COL13A1: variants seen among roughly 807,000 people sequenced by gnomAD.
COL13A1 encodes collagen alpha-1(XIII) chain.
A neutral mutation model predicts 130.9 loss-of-function variants in COL13A1; 89 were observed. The ratio of observed to expected loss-of-function variants is 0.68; its 90% CI spans 0.57 to 0.81. COL13A1 has a LOEUF of 0.81. Ranked by LOEUF, COL13A1 falls within the 30% of genes least tolerant of loss-of-function variation. The pLI is 0.00. For missense variants in COL13A1, 879 were observed against 934.6 expected, an observed-to-expected ratio of 0.94 and a Z score of 0.78; for synonymous variants, 402 against 341.6, an observed-to-expected ratio of 1.18 and a Z score of -1.95.
chr10:69,900,514 G>A (rs1342028175), intron 14 of COL13A1, among the ~76,000 whole-genome samples: 1 of 152,194 alleles, frequency 6.6e-6, no homozygotes, highest in Non-Finnish European at 1.5e-5. Context: ...GCACCTCTGA[G>A]CTACCTGCTG....
intron 3 of COL13A1, among the ~76,000 whole-genome samples, chr10:69,871,310 G>C (rs900626340): frequency 6.6e-6 from 1 of 152,166 alleles, no homozygotes; most frequent in African/African-American, 2.4e-5. Flanking sequence ...AATGTGTCTT[G>C]AGGATTACTG....
chr10:69,830,652 C>CT (rs1848606470), intron 2 of COL13A1, among the ~76,000 whole-genome samples: 1 of 152,070 alleles, frequency 6.6e-6, no homozygotes, highest in African/African-American at 2.4e-5. Flanking sequence ...GACTGGGGTG[C>CT]TTAGGGAGGT....
At chr10:69,933,798 A>G (rs1413704615) in intron 31 of COL13A1, among the ~76,000 whole-genome samples, 1 of 152,230 alleles carries the variant, frequency 6.6e-6, no homozygotes, top group Non-Finnish European at 1.5e-5. Context: ...TAAATAACTT[A>G]TAGTAATAAT....
At chr10:69,907,531 C>T (rs536084412) in intron 17 of COL13A1, among the ~76,000 whole-genome samples, 43 of 152,128 alleles carry the variant, frequency 2.8e-4, no homozygotes, top group Non-Finnish European at 4.9e-4. Context: ...AACCCACTGT[C>T]GCAATCACAC....
At chr10:69,909,707 C>T (rs1354709579) in intron 17 of COL13A1, among the ~76,000 whole-genome samples, 2 of 152,238 alleles carry the variant, frequency 1.3e-5, no homozygotes, top group African/African-American at 2.4e-5. Flanking sequence ...CCCAGCCTCA[C>T]TGGGACAGCA....
chr10:69,920,176 T>TG (rs894757749), intron 21 of COL13A1, among the ~76,000 whole-genome samples: 10 of 152,178 alleles, frequency 6.6e-5, no homozygotes, highest in Non-Finnish European at 1.3e-4. Context: ...GCTGCTACCC[T>TG]GGGGCAGGTG....
intron 10 of COL13A1, among the ~76,000 whole-genome samples, chr10:69,892,665 T>C (rs1017919279): frequency 6.6e-6 from 1 of 152,208 alleles, no homozygotes; most frequent in South Asian, 2.1e-4. Context: ...TGGCAAGTGC[T>C]AAGCACATCA....
chr10:69,956,723 A>G (rs2136449662), intron 39 of COL13A1: 1 of 382,280 alleles, frequency 2.6e-6, no homozygotes, highest in East Asian at 4.3e-5. Context: ...TCTTCGTGGC[A>G]CGGAAGGACA....
At chr10:69,858,115 C>CAAAAAAG (rs1856966509) in intron 2 of COL13A1, among the ~76,000 whole-genome samples, 1 of 80,384 alleles carries the variant, frequency 1.2e-5, no homozygotes, top group Non-Finnish European at 2.2e-5. Flanking sequence ...GACTCCGTCT[C>CAAAAAAG]AAAAAAAAAA....
chr10:69,929,076 C>A, intron 28 of COL13A1, 77 bp downstream of exon 28: 1 of 1,170,454 alleles, frequency 8.5e-7, no homozygotes, highest in South Asian at 1.4e-5. Flanking sequence ...CCCTGTGACC[C>A]TCTCATCTTC....
At chr10:69,862,290 T>C (rs981017325) in intron 2 of COL13A1, among the ~76,000 whole-genome samples, 2 of 152,202 alleles carry the variant, frequency 1.3e-5, no homozygotes, top group Admixed American at 6.5e-5. Flanking sequence ...TTTTCTCATC[T>C]ATAAAATGGG....
At chr10:69,867,427 G>A (rs1018789296) in intron 2 of COL13A1, among the ~76,000 whole-genome samples, 10 of 152,146 alleles carry the variant, frequency 6.6e-5, no homozygotes, top group South Asian at 2.1e-4. Flanking sequence ...TGTTATTTCC[G>A]CCTTTCTCAG....
intron 1 of COL13A1, among the ~76,000 whole-genome samples, chr10:69,809,852 C>T (rs1842492034): frequency 6.6e-6 from 1 of 152,240 alleles, no homozygotes; most frequent in African/African-American, 2.4e-5. Context: ...GTCTTGGCCT[C>T]TGGAATGCTT....
chr10:69,874,655 A>G (rs1400285478), intron 4 of COL13A1, among the ~76,000 whole-genome samples: 3 of 152,132 alleles, frequency 2.0e-5, no homozygotes, highest in African/African-American at 7.2e-5. Flanking sequence ...GCTGGGGAGG[A>G]GCACTGCTCT....
At chr10:69,943,979 A>G (rs2068055718) in intron 35 of COL13A1, 146 bp from the exon 36 acceptor site, 1 of 646,206 alleles carries the variant, frequency 1.5e-6, no homozygotes, top group South Asian at 1.8e-5. Flanking sequence ...ATCACGGCCC[A>G]GTCGAATGAC....
chr10:69,927,493 AC>A (rs1203410646), intron 27 of COL13A1, among the ~76,000 whole-genome samples: 40 of 152,182 alleles, frequency 2.6e-4, no homozygotes, highest in Admixed American at 5.2e-4. Flanking sequence ...ATCCTGAAAA[AC>A]TAGTAGCAAC....
intron 31 of COL13A1, among the ~76,000 whole-genome samples, chr10:69,934,136 C>T (rs2683547): frequency 0.62 from 94,225 of 151,948 alleles, 29,253 homozygotes; most frequent in African/African-American, 0.64. Flanking sequence ...TAAATTTTCT[C>T]TTTAAAGAAA....
chr10:69,827,912 C>G (rs927396072), intron 2 of COL13A1, among the ~76,000 whole-genome samples: 1 of 152,146 alleles, frequency 6.6e-6, no homozygotes, highest in African/African-American at 2.4e-5. Flanking sequence ...CCCCGAGCCC[C>G]GCTTCTTTGT....
chr10:69,882,549 A>G (rs1283965281), intron 7 of COL13A1, among the ~76,000 whole-genome samples: 2 of 152,192 alleles, frequency 1.3e-5, no homozygotes, highest in African/African-American at 4.8e-5. Flanking sequence ...GGCAGGCCCC[A>G]CCAGCCCATT....
Sources: gnomAD v4.1 joint callset for allele counts (sites outside exome capture counted in the v4.1 genomes callset) on GRCh38, gnomAD v4.1.1 for gene constraint, MANE v1.5 for transcripts, NCBI Gene and HGNC (gene_info 2026-07-23, HGNC 2026-07-21) for gene names.